The following BEND6 variants were observed in gnomAD, a reference collection of about 807,000 sequenced individuals.
The protein encoded by BEND6 is BEN domain-containing protein 6.
BEND6 carries 24 observed loss-of-function variants against 31.8 expected under a neutral mutation model. The ratio of observed to expected loss-of-function variants is 0.75; its 90% CI spans 0.55 to 1.06. BEND6 has a LOEUF of 1.06. Ranked by LOEUF, BEND6 falls within the 50% of genes least tolerant of loss-of-function variation. BEND6 has a pLI of 0.00. For synonymous variants in BEND6, 109 were observed against 114.6 expected, an observed-to-expected ratio of 0.95 and a Z score of 0.31; for missense variants, 294 against 327.4, an observed-to-expected ratio of 0.90 and a Z score of 0.79.
intron 6 of BEND6, among the ~76,000 whole-genome samples, chr6:57,022,764 T>C (rs1198561994): frequency 2.0e-5 from 3 of 152,192 alleles, no homozygotes; most frequent in Admixed American, 1.3e-4. Context: ...GATATAGGTG[T>C]TTATTGCTAC....
At chr6:56,980,061 C>T (rs1265637328) in intron 1 of BEND6, among the ~76,000 whole-genome samples, 1 of 152,182 alleles carries the variant, frequency 6.6e-6, no homozygotes, top group Non-Finnish European at 1.5e-5. Context: ...ATTTAGAGGC[C>T]TCACCTATTA....
At chr6:56,991,223 C>T (rs1471310346) in intron 2 of BEND6, among the ~76,000 whole-genome samples, 1 of 152,066 alleles carries the variant, frequency 6.6e-6, no homozygotes, top group Admixed American at 6.5e-5. Context: ...TTGTTTTTTA[C>T]TTCTTTCATA....
chr6:57,020,834 T>TG (rs1491489051), intron 6 of BEND6, among the ~76,000 whole-genome samples: 2 of 97,070 alleles, frequency 2.1e-5, no homozygotes, highest in African/African-American at 1.1e-4. Context: ...TAAACTCTTG[T>TG]TTTTTTTTTT....
chr6:56,990,660 A>G (rs1338062168), intron 2 of BEND6, among the ~76,000 whole-genome samples: 3 of 152,128 alleles, frequency 2.0e-5, no homozygotes, highest in Admixed American at 2.0e-4. Flanking sequence ...CCTGCTGCTT[A>G]TACTTCTTTA....
chr6:57,001,430 T>G (rs1826941626), intron 3 of BEND6, among the ~76,000 whole-genome samples: 1 of 152,168 alleles, frequency 6.6e-6, no homozygotes, highest in Non-Finnish European at 1.5e-5. Context: ...CTCAAAGTGC[T>G]GGGATTACAG....
In BEND6 at chr6:56,955,476, TG is replaced by T. The variant is rs1824692301; in HGVS notation, c.-101+21del. On this transcript the variant is annotated intron_variant, in intron 1 of 6. Coordinates refer to ENST00000370746, the MANE Select transcript of BEND6 (RefSeq NM_152731.3). The stretch of plus-strand genomic sequence containing the variant: ...ATGCAGCCGGGTGAGCTATTGCTTG[TG>T]GGGGTTTCCTCGCACTCTGAAGCGC... 2 of 152,320 alleles carry T rather than the reference TG, an allele frequency of 1.3e-5. No individual in the cohort carries two copies. The highest frequency in any genetic ancestry group is 3.4e-3 in the Middle Eastern group (1 of 294). The allele number at this position is 152,320 out of a possible 1,614,324, so 9.4% of individuals were successfully genotyped here.
chr6:56,993,361 A>G (rs1292943613), intron 3 of BEND6, among the ~76,000 whole-genome samples: 2 of 152,256 alleles, frequency 1.3e-5, no homozygotes, highest in African/African-American at 4.8e-5. Context: ...AAGTCCTTCC[A>G]GTTGCTGTGT....
At chr6:56,998,487 A>C (rs1462074055) in intron 3 of BEND6, among the ~76,000 whole-genome samples, 1 of 152,222 alleles carries the variant, frequency 6.6e-6, no homozygotes. Context: ...TATCTGTTGT[A>C]TAGAAAGGTA....
chr6:57,012,525 C>G (rs999849958), intron 3 of BEND6, among the ~76,000 whole-genome samples: 14 of 152,152 alleles, frequency 9.2e-5, no homozygotes, highest in African/African-American at 3.4e-4. Context: ...AACGCATCCC[C>G]TTTACCTATG....
chr6:57,006,194 A>T (rs1005942797), intron 3 of BEND6, among the ~76,000 whole-genome samples: 6 of 152,202 alleles, frequency 3.9e-5, no homozygotes, highest in Non-Finnish European at 8.8e-5. Context: ...AAATGTACTC[A>T]CCTGAGTGAC....
chr6:57,004,105 G>A lies in BEND6; in HGVS notation c.299-11028G>A, dbSNP rs566664777. Among the ~76,000 whole-genome samples the A allele has an allele frequency of 2.3e-4, 35 of 152,206 alleles. No individual in the cohort carries two copies. In the South Asian group the frequency reaches 5.2e-3, roughly 23 times the overall value. ...AGGTAAAACCAGAAGCATTGCTCTC[G>A]AGAACTGGGACAAGACAAGGATGAC... On this transcript the variant is annotated intron_variant, in intron 3 of 6. Transcript: ENST00000370746.
chr6:57,011,269 A>G (rs915721253), intron 3 of BEND6, among the ~76,000 whole-genome samples: 1 of 152,204 alleles, frequency 6.6e-6, no homozygotes, highest in Non-Finnish European at 1.5e-5. Flanking sequence ...GTGGGAGTGT[A>G]AATTGGAAAA....
intron 3 of BEND6, among the ~76,000 whole-genome samples, chr6:57,000,253 C>T (rs1826879723): frequency 6.6e-6 from 1 of 152,194 alleles, no homozygotes; most frequent in African/African-American, 2.4e-5. Context: ...AAGAAAAATT[C>T]TGCCTTGGGA....
At chr6:56,977,240 T>C (rs1185186837) in intron 1 of BEND6, among the ~76,000 whole-genome samples, 1 of 152,208 alleles carries the variant, frequency 6.6e-6, no homozygotes, top group Non-Finnish European at 1.5e-5. Context: ...AATAATCAAT[T>C]AAATAACAAG....
chr6:56,972,086 C>CTTT (rs35524907), intron 1 of BEND6, among the ~76,000 whole-genome samples: 8 of 62,528 alleles, frequency 1.3e-4, no homozygotes, highest in Non-Finnish European at 2.0e-4. Context: ...ACTTTACTTT[C>CTTT]TTTTTTTTTT....
chr6:57,006,726 T>C (rs576455683), intron 3 of BEND6, among the ~76,000 whole-genome samples: 4 of 152,212 alleles, frequency 2.6e-5, no homozygotes, highest in South Asian at 2.1e-4. Flanking sequence ...TTCACAGAAA[T>C]AGAAAAAACA....
At position 56,955,463 on chromosome 6, in the gene BEND6, G is replaced by A. The variant is rs1236322781; in HGVS notation, c.-101+3G>A. 3.9e-5 allele frequency: 6 copies of A among 152,310 alleles called. No homozygotes were observed. The highest frequency in any genetic ancestry group is 8.8e-5 in the Non-Finnish European group (6 of 68,134). 9.4% of individuals were successfully genotyped at this position (152,310 alleles called of 1,614,324 possible). A position where few individuals can be genotyped will look rare whatever the true frequency, so the allele number is the denominator to read the frequency against. ...GGGGCTTTGAAGAATGCAGCCGGGT[G>A]AGCTATTGCTTGTGGGGGTTTCCTC... On this transcript the variant is annotated splice_donor_region_variant and intron_variant, in intron 1 of 6. Coordinates refer to ENST00000370746, the MANE Select transcript of BEND6 (RefSeq NM_152731.3).
At chr6:56,978,544 T>C (rs975355976) in intron 1 of BEND6, among the ~76,000 whole-genome samples, 4 of 152,324 alleles carry the variant, frequency 2.6e-5, no homozygotes, top group Non-Finnish European at 1.5e-5. Flanking sequence ...TCCATACAAA[T>C]TTTAAGATCA....
chr6:57,014,451 T>C, intron 3 of BEND6: 1 of 1,471,196 alleles, frequency 6.8e-7, no homozygotes, highest in East Asian at 2.7e-5. Context: ...CAACATGTTA[T>C]TTGTCCTTAG....
Sources: allele counts gnomAD v4.1 joint callset (sites outside exome capture counted in the v4.1 genomes callset), GRCh38; gene constraint gnomAD v4.1.1; transcripts MANE v1.5; gene names NCBI Gene and HGNC (gene_info 2026-07-23, HGNC 2026-07-21).